Variants in CD27 observed in about 807,000 individuals in gnomAD.
CD27 encodes CD27 antigen.
Under a neutral mutation model 25.9 loss-of-function variants are expected in CD27, and 16 were observed. That is an observed-to-expected ratio of 0.62 (90% CI 0.42 to 0.94). The LOEUF (loss-of-function observed/expected upper bound fraction) is 0.94, where lower values mean the gene tolerates loss of function less well. Among genes scored for constraint, CD27 ranks in the 40% least tolerant of loss-of-function variants. The pLI, the probability that CD27 is intolerant of heterozygous loss-of-function variation, is 0.00. For missense variants in CD27, 300 were observed against 333.2 expected (o/e 0.90, Z 0.78); for synonymous variants, 142 against 124.3 (o/e 1.14, Z -0.95).
Position 6,451,489 on chromosome 12 carries a change from C to T in CD27, c.*97C>T, listed in dbSNP as rs1949547723. The T allele has an allele frequency of 1.5e-6, 2 of 1,309,146 alleles. No individual in the cohort carries two copies. The highest frequency in any genetic ancestry group is 1.5e-5 in the African/African-American group (1 of 68,354). The allele number at this position is 1,309,146 out of a possible 1,614,324, so 81.1% of individuals were successfully genotyped here. ...GAGACCTGGCAGCCACAACTGCAGT[C>T]CCATCCTCTTGTCAGGGCCCTTTCC... On this transcript the variant is annotated 3_prime_UTR_variant, in exon 6 of 6. Transcript: ENST00000266557.
chr12:6,449,642 A>G (rs1949482690), intron 2 of CD27, among the ~76,000 whole-genome samples: 1 of 152,138 alleles, frequency 6.6e-6, no homozygotes, highest in East Asian at 1.9e-4. Context: ...TGAGGTCAGG[A>G]GTTTAATACC....
At chr12:6,448,285 G>C (rs924656366) in intron 2 of CD27, 1 of 152,206 alleles carries the variant, frequency 6.6e-6, no homozygotes, top group African/African-American at 2.4e-5. Context: ...CCCCACAAGT[G>C]TCTGCCCTAA....
chr12:6,450,559 C>A lies in CD27; in HGVS notation c.467C>A (p.Thr156Lys). 1.2e-6 allele frequency: 2 copies of A among 1,613,576 alleles called. No individual in the cohort carries two copies. Among genetic ancestry groups the A allele is most frequent in the Non-Finnish European group, 1.7e-6 (2 of 1,180,008 alleles). ...PYVSEMLEARTAGHMQTLADF... is the reference protein window; with the variant it reads ...PYVSEMLEARKAGHMQTLADF... ...TTTCCAGAGATGCTGGAGGCCAGGA[C>A]AGCTGGGCACATGCAGACTCTGGCT... The change falls in exon 4 of 6, where the codon ACA becomes AAA. Residue 156 changes from threonine (T) to lysine (K), a missense_variant. Thr to Lys is a moderately conservative substitution (Grantham distance 78). Transcript: ENST00000266557. The surrounding 1 kb of genome is among the most constrained non-coding windows in gnomAD (Gnocchi z 4.1).
Position 6,445,155 on chromosome 12 carries a change from T to C in CD27, c.60T>C (p.Ala20=). The C allele has an allele frequency of 6.2e-7, 1 of 1,610,222 alleles. No homozygotes were observed. The highest frequency in any genetic ancestry group is 2.2e-5 in the East Asian group (1 of 44,790). Residue 20 remains alanine (A), a synonymous_variant, in exon 1 of 6, where the codon GCT becomes GCC. Coordinates refer to ENST00000266557, the MANE Select transcript of CD27 (RefSeq NM_001242.5). The surrounding 1 kb of genome is among the most constrained non-coding windows in gnomAD (Gnocchi z 4.5). ...TGGGGACCCTGGTGGGGCTCTCAGC[T>C]ACTCCAGCCCCCAAGAGCTGCCCAG... The part of the protein sequence containing the change: ...CVLGTLVGLS[A]TPAPKSCPER...
intron 2 of CD27, among the ~76,000 whole-genome samples, chr12:6,448,383 GAGCCC>G (rs1206982228): frequency 1.3e-5 from 2 of 152,012 alleles, no homozygotes; most frequent in South Asian, 2.1e-4. Context: ...AGCCGCCAGC[GAGCCC>G]AGCCCAGCCC....
chr12:6,445,695 A>G lies in CD27; in HGVS notation c.268+140A>G. On this transcript the variant is annotated intron_variant, in intron 2 of 5. Transcript: ENST00000266557. The surrounding 1 kb of genome is among the most constrained non-coding windows in gnomAD (Gnocchi z 4.5). ...TCAAGGCTCACAGCAAGTGGAGCCAATGCTGGGAAATGCGGCACCCTAGGT... is the reference window on the plus strand; with the variant it reads ...TCAAGGCTCACAGCAAGTGGAGCCAGTGCTGGGAAATGCGGCACCCTAGGT... 2 of 1,089,754 alleles carry G rather than the reference A, an allele frequency of 1.8e-6. No homozygotes were observed. The highest frequency in any genetic ancestry group is 3.2e-5 in the South Asian group (2 of 61,906). The allele number at this position is 1,089,754 out of a possible 1,614,324, so 67.5% of individuals were successfully genotyped here.
At chr12:6,448,234 AC>A in intron 2 of CD27, 1 of 152,248 alleles carries the variant, frequency 6.6e-6, no homozygotes, top group Non-Finnish European at 1.5e-5. Context: ...CCCTTTCTGC[AC>A]CCCTCTTCCA....
At position 6,451,678 on chromosome 12, in the gene CD27, T is replaced by TAC. The variant is rs1242168030; in HGVS notation, c.*288_*289dup. 2.6e-6 allele frequency: 1 copy of TAC among 382,610 alleles called. No homozygotes were observed. Among genetic ancestry groups the TAC allele is most frequent in the Non-Finnish European group, 4.7e-6 (1 of 210,700 alleles). 23.7% of individuals were successfully genotyped at this position (382,610 alleles called of 1,614,324 possible). A position where few individuals can be genotyped will look rare whatever the true frequency, so the allele number is the denominator to read the frequency against. On this transcript the variant is annotated 3_prime_UTR_variant, in exon 6 of 6. Transcript: ENST00000266557. ...TTCCTGCTGCGAAAGACCCACATGC[T>TAC]ACAAGACGGGCAAAATAAAGTGACA...
At position 6,445,230 on chromosome 12, in the gene CD27, A is replaced by G. The variant is rs755615493; in HGVS notation, c.135A>G (p.Pro45=). 6 of 1,614,006 alleles carry G rather than the reference A, an allele frequency of 3.7e-6. No individual in the cohort carries two copies. In the South Asian group the frequency reaches 5.5e-5, roughly 15 times the overall value. The change falls in exon 1 of 6, where the codon CCA becomes CCG. Residue 45 remains proline, a splice_region_variant and synonymous_variant. Transcript: ENST00000266557. The surrounding 1 kb of genome is among the most constrained non-coding windows in gnomAD (Gnocchi z 4.5). Reference sequence around the variant, plus strand: ...AGCTGTGCTGCCAGATGTGTGAGCCAGGTAAGAGGGGGCCTTGGTAAGGGC... The same window carrying G: ...AGCTGTGCTGCCAGATGTGTGAGCCGGGTAAGAGGGGGCCTTGGTAAGGGC... ...QGKLCCQMCE[P]GTFLVKDCDQ...
At position 6,451,251 on chromosome 12, in the gene CD27, C is replaced by T. The variant is rs1204366954; in HGVS notation, c.659-17C>T. 2 of 1,612,968 alleles carry T rather than the reference C, an allele frequency of 1.2e-6. No homozygotes were observed. Among genetic ancestry groups the T allele is most frequent in the African/African-American group, 1.3e-5 (1 of 75,032 alleles). ...GCCCCCACTGCTGGCCAAGACTCATCGGATCTCCTTCTGCAGACAAAGGAG... is the reference window on the plus strand; with the variant it reads ...GCCCCCACTGCTGGCCAAGACTCATTGGATCTCCTTCTGCAGACAAAGGAG... On this transcript the variant is annotated splice_polypyrimidine_tract_variant and intron_variant, in intron 5 of 5. Coordinates refer to ENST00000266557, the MANE Select transcript of CD27 (RefSeq NM_001242.5).
chr12:6,451,315 T>G lies in CD27; in HGVS notation c.706T>G (p.Cys236Gly), dbSNP rs770101157. ...GCCTGCAGAGCCTTGTCATTACAGCTGCCCCAGGGAGGAGGAGGGCAGCAC... is the reference window on the plus strand; with the variant it reads ...GCCTGCAGAGCCTTGTCATTACAGCGGCCCCAGGGAGGAGGAGGGCAGCAC... ...VEPAEPCHYS[C>G]PREEEGSTIP... Residue 236 changes from cysteine (C) to glycine (G), a missense_variant, in exon 6 of 6, where the codon TGC becomes GGC. Cys to Gly is a radical substitution (Grantham distance 159). Transcript: ENST00000266557. 1 of 1,613,970 alleles carries G rather than the reference T, an allele frequency of 6.2e-7. No individual in the cohort carries two copies. The highest frequency in any genetic ancestry group is 1.1e-5 in the South Asian group (1 of 91,072).
chr12:6,450,800 G>A lies in CD27; in HGVS notation c.539-95G>A. On this transcript the variant is annotated intron_variant, in intron 4 of 5. Coordinates refer to ENST00000266557, the MANE Select transcript of CD27 (RefSeq NM_001242.5). The surrounding 1 kb of genome is among the most constrained non-coding windows in gnomAD (Gnocchi z 4.1). ...GTGGCGGGTGGGATAGAATAAGGTG[G>A]GGGAAAGGGGAGAGGCAAGGTGACA... The A allele has an allele frequency of 6.4e-7, 1 of 1,553,584 alleles. No individual in the cohort carries two copies. The highest frequency in any genetic ancestry group is 1.4e-5 in the African/African-American group (1 of 73,854).
chr12:6,449,722 C>CGGGT (rs558068835), intron 2 of CD27, among the ~76,000 whole-genome samples: 145 of 151,000 alleles, frequency 9.6e-4, no homozygotes, highest in African/African-American at 3.4e-3. Flanking sequence ...TGGTGGCACA[C>CGGGT]ACCTGTAATC....
rs1188316579 is a variant in CD27, at chr12:6,450,170, C to T, written c.269-3C>T. ...TATGCTCCCTGGGCCTCTCTTCCCC[C>T]AGGTCTTCTCGTTCGCAACTGCACC... On this transcript the variant is annotated splice_polypyrimidine_tract_variant and splice_region_variant and intron_variant, in intron 2 of 5. Coordinates refer to ENST00000266557, the MANE Select transcript of CD27 (RefSeq NM_001242.5). The surrounding 1 kb of genome is among the most constrained non-coding windows in gnomAD (Gnocchi z 4.1). 15 of 1,610,462 alleles carry T rather than the reference C, an allele frequency of 9.3e-6. No homozygotes were observed. The highest frequency in any genetic ancestry group is 1.2e-5 in the Non-Finnish European group (14 of 1,179,554).
chr12:6,451,042 C>T, intron 5 of CD27, 28 bp downstream of exon 5: 1 of 1,613,504 alleles, frequency 6.2e-7, no homozygotes, highest in Non-Finnish European at 8.5e-7. Flanking sequence ...GGCCTCCGGT[C>T]CTGCCCCTGC....
At chr12:6,446,876 GGAGTTTAA>G (rs1949423486) in intron 2 of CD27, 1 of 152,036 alleles carries the variant, frequency 6.6e-6, no homozygotes, top group African/African-American at 2.4e-5. Context: ...CTTGAGCCCA[GGAGTTTAA>G]GAACACCCTG....
At chr12:6,446,888 C>T (rs564580367) in intron 2 of CD27, 2 of 152,186 alleles carry the variant, frequency 1.3e-5, no homozygotes, top group South Asian at 4.2e-4. Flanking sequence ...AGTTTAAGAA[C>T]ACCCTGGGCA....
At chr12:6,451,230 C>T in intron 5 of CD27, 38 bp from the exon 6 acceptor site, 1 of 1,606,414 alleles carries the variant, frequency 6.2e-7, no homozygotes, top group Non-Finnish European at 8.5e-7. Context: ...CCCCCTGCCC[C>T]CACTGCTGGC....
Position 6,445,146 on chromosome 12 carries a change from G to A in CD27, c.51G>A (p.Gly17=). The change falls in exon 1 of 6, where the codon GGG becomes GGA. Residue 17 remains glycine, a synonymous_variant. Transcript: ENST00000266557. This position sits in a 1 kb window ranked among gnomAD's most constrained non-coding sequence, Gnocchi z 4.5. ...WWLCVLGTLV[G]LSATPAPKSC... ...TGTGCGTTCTGGGGACCCTGGTGGG[G>A]CTCTCAGCTACTCCAGCCCCCAAGA... 3 of 1,608,932 alleles carry A rather than the reference G, an allele frequency of 1.9e-6. No individual in the cohort carries two copies. Among genetic ancestry groups the A allele is most frequent in the Non-Finnish European group, 2.5e-6 (3 of 1,178,084 alleles).
Sources: gnomAD v4.1 joint callset for allele counts (sites outside exome capture counted in the v4.1 genomes callset) on GRCh38, gnomAD v4.1.1 for gene constraint, Gnocchi (gnomAD v3.1) non-coding constraint, MANE v1.5 for transcripts, NCBI Gene and HGNC (gene_info 2026-07-23, HGNC 2026-07-21) for gene names.